The following RELL1 variants were observed in gnomAD, a reference collection of about 807,000 sequenced individuals.
RELL1 encodes RELT like 1.
In RELL1, 10 loss-of-function variants were observed where a neutral mutation model predicts 23.0. The ratio of observed to expected loss-of-function variants is 0.43; its 90% confidence interval spans 0.27 to 0.74. The LOEUF is 0.74. RELL1 is among the 30% of genes least tolerant of loss of function. RELL1 has a pLI of 0.19. For synonymous variants in RELL1, 146 were observed against 146.8 expected (o/e 0.99, Z 0.04); for missense variants, 315 against 364.4 (o/e 0.86, Z 1.10).
intron 1 of RELL1, among the ~76,000 whole-genome samples, chr4:37,669,300 C>T: frequency 6.7e-6 from 1 of 149,170 alleles, no homozygotes. Context: ...TGCCCGGCCG[C>T]CTCTACTGGG....
At chr4:37,607,042 G>A (rs759724123), downstream of RELL1, among the ~76,000 whole-genome samples, 3 of 152,120 alleles carry the variant, frequency 2.0e-5, no homozygotes, top group Non-Finnish European at 4.4e-5. Context: ...CAAAACCTCC[G>A]TCTAATCACA....
At position 37,649,443 on chromosome 4, in the gene RELL1, T is replaced by C; in HGVS notation, c.146A>G (p.Asn49Ser). 6.2e-7 allele frequency: 1 copy of C among 1,614,236 alleles called. No homozygotes were observed. The highest frequency in any genetic ancestry group is 8.5e-7 in the Non-Finnish European group (1 of 1,180,016). Residue 49 changes from asparagine (N) to serine (S), a missense_variant, in exon 2 of 7, where the codon AAC becomes AGC. Coordinates refer to ENST00000454158, the MANE Select transcript of RELL1 (RefSeq NM_001085400.2). ...TTCTGGGTGTCCATTCCCAGTATCGTTGCTGGGCGACGGGGTCGTCTCTGT... is the reference window on the plus strand; with the variant it reads ...TTCTGGGTGTCCATTCCCAGTATCGCTGCTGGGCGACGGGGTCGTCTCTGT... Reference protein sequence around the residue: ...SRTETTPSPSNDTGNGHPEYI... With the variant: ...SRTETTPSPSSDTGNGHPEYI...
chr4:37,631,241 C>G, intron 6 of RELL1, 144 bp downstream of exon 6: 2 of 893,608 alleles, frequency 2.2e-6, no homozygotes, highest in South Asian at 3.6e-5. Context: ...GTTCAGTCCC[C>G]CTCAGTCTTC....
At chr4:37,618,663 C>T (rs1465873555) in intron 6 of RELL1, among the ~76,000 whole-genome samples, 1 of 152,166 alleles carries the variant, frequency 6.6e-6, no homozygotes. Flanking sequence ...GTAAATAATG[C>T]TAAAGTGAAC....
intron 6 of RELL1, among the ~76,000 whole-genome samples, chr4:37,596,765 T>TTTTTTTTTTG (rs1718873924): frequency 1.8e-5 from 2 of 109,128 alleles, no homozygotes; most frequent in Non-Finnish European, 1.8e-5. Context: ...TTTTTTTTTT[T>TTTTTTTTTTG]GAGATGGAGA....
intron 1 of RELL1, among the ~76,000 whole-genome samples, chr4:37,672,253 T>C (rs965569382): frequency 6.6e-6 from 1 of 152,078 alleles, no homozygotes; most frequent in African/African-American, 2.4e-5. Context: ...CGGCAACTAG[T>C]CCCCATCCCG....
intron 1 of RELL1, among the ~76,000 whole-genome samples, chr4:37,652,180 C>T (rs1425318510): frequency 4.6e-5 from 7 of 152,168 alleles, no homozygotes; most frequent in African/African-American, 1.7e-4. Flanking sequence ...AAACCAGAGG[C>T]CATAGAACAA....
chr4:37,655,735 A>C (rs1268413547), intron 1 of RELL1, among the ~76,000 whole-genome samples: 2 of 152,226 alleles, frequency 1.3e-5, no homozygotes, highest in Non-Finnish European at 2.9e-5. Flanking sequence ...AGAGGTAAGC[A>C]GGTGACATCC....
At chr4:37,605,876 AGAAG>A (rs1236361763), downstream of RELL1, among the ~76,000 whole-genome samples, 4 of 144,416 alleles carry the variant, frequency 2.8e-5, no homozygotes, top group Admixed American at 2.8e-4. Context: ...GAGAAAGGAA[AGAAG>A]GAAAGAAAGA....
At chr4:37,681,393 C>A (rs569489255) in intron 1 of RELL1, among the ~76,000 whole-genome samples, 1 of 152,124 alleles carries the variant, frequency 6.6e-6, no homozygotes, top group South Asian at 2.1e-4. Flanking sequence ...CTTTCAGAGA[C>A]AAGAGCTCAG....
At chr4:37,669,419 GC>G (rs1333681493) in intron 1 of RELL1, among the ~76,000 whole-genome samples, 1 of 149,468 alleles carries the variant, frequency 6.7e-6, no homozygotes, top group Non-Finnish European at 1.5e-5. Context: ...GGGGGGGTCA[GC>G]CCCCCACCCG....
At chr4:37,594,260 C>G (rs934552849) in intron 6 of RELL1, among the ~76,000 whole-genome samples, 2 of 152,188 alleles carry the variant, frequency 1.3e-5, no homozygotes, top group Non-Finnish European at 2.9e-5. Flanking sequence ...TAACAGTGAG[C>G]TGTCTGAGCA....
chr4:37,597,717 C>T (rs546940273), intron 6 of RELL1, among the ~76,000 whole-genome samples: 64 of 152,252 alleles, frequency 4.2e-4, no homozygotes, highest in Middle Eastern at 3.4e-3. Context: ...AGCCATAAGC[C>T]GGGTGACAAA....
chr4:37,632,083 G>GGA (rs1720156923), intron 5 of RELL1, among the ~76,000 whole-genome samples: 1 of 11,522 alleles, frequency 8.7e-5, no homozygotes, highest in Non-Finnish European at 1.2e-4. Flanking sequence ...GTCTCAATAA[G>GGA]GAAAAAAAAA....
At chr4:37,598,284 A>AAAAAAAAAAAAAAAAAAG (rs869260737) in intron 6 of RELL1, among the ~76,000 whole-genome samples, 2 of 117,250 alleles carry the variant, frequency 1.7e-5, no homozygotes, top group East Asian at 3.1e-4. Flanking sequence ...AAAAAAAAAA[A>AAAAAAAAAAAAAAAAAAG]GTTTATAGGA....
At chr4:37,593,738 T>C (rs2939747) in intron 6 of RELL1, among the ~76,000 whole-genome samples, 89,601 of 151,870 alleles carry the variant, frequency 0.59, 29,506 homozygotes, top group Non-Finnish European at 0.74. Context: ...CCACAGGAGG[T>C]CTCAAAACCC....
At chr4:37,669,428 C>T (rs1721725242) in intron 1 of RELL1, among the ~76,000 whole-genome samples, 1 of 150,918 alleles carries the variant, frequency 6.6e-6, no homozygotes, top group South Asian at 2.1e-4. Flanking sequence ...AGCCCCCCAC[C>T]CGGCCAGCCA....
chr4:37,608,781 C>T (rs1466077917), downstream of RELL1, among the ~76,000 whole-genome samples: 4 of 151,802 alleles, frequency 2.6e-5, no homozygotes, highest in Admixed American at 6.6e-5. Flanking sequence ...CAGGTGTGCA[C>T]CATTATGCCC....
At chr4:37,663,946 C>T (rs1721442547) in intron 1 of RELL1, among the ~76,000 whole-genome samples, 1 of 152,116 alleles carries the variant, frequency 6.6e-6, no homozygotes, top group Non-Finnish European at 1.5e-5. Flanking sequence ...GGAACTTGCA[C>T]ATATCTTCTT....
Sources: allele counts gnomAD v4.1 joint callset (sites outside exome capture counted in the v4.1 genomes callset), GRCh38; gene constraint gnomAD v4.1.1; transcripts MANE v1.5; gene names NCBI Gene and HGNC (gene_info 2026-07-23, HGNC 2026-07-21).